The following EML4 variants were observed in gnomAD, a reference collection of about 807,000 sequenced individuals.
The protein encoded by EML4 is EMAP like 4.
EML4 carries 72 observed loss-of-function variants against 129.0 expected under a neutral mutation model. The ratio of observed to expected loss-of-function variants is 0.56; its 90% CI spans 0.46 to 0.68. EML4 has a LOEUF of 0.68. EML4 is among the 30% of genes least tolerant of loss of function. The probability of loss-of-function intolerance (pLI) is 0.00; values close to 1 mark genes in which losing one functional copy is unlikely to be tolerated. For missense variants in EML4, 1,363 were observed against 1,190.6 expected, an observed-to-expected ratio of 1.14 and a Z score of -2.13; for synonymous variants, 532 against 405.0, an observed-to-expected ratio of 1.31 and a Z score of -3.77.
intron 2 of EML4, among the ~76,000 whole-genome samples, chr2:42,253,051 A>C (rs560290894): frequency 1.3e-5 from 2 of 152,284 alleles, no homozygotes; most frequent in African/African-American, 4.8e-5. Context: ...TGGATGATGA[A>C]TACGTTACAG....
chr2:42,325,080 C>G, intron 19 of EML4: 1 of 394,848 alleles, frequency 2.5e-6, no homozygotes, highest in South Asian at 1.9e-5. Context: ...TTCCTGATGC[C>G]TTATGCACAA....
intron 17 of EML4, among the ~76,000 whole-genome samples, chr2:42,309,475 A>G (rs533321307): frequency 6.6e-6 from 1 of 151,582 alleles, no homozygotes; most frequent in East Asian, 1.9e-4. Flanking sequence ...AGGAACTACC[A>G]AACTTTTTCA....
At chr2:42,186,296 C>A (rs1437615023) in intron 1 of EML4, among the ~76,000 whole-genome samples, 1 of 151,970 alleles carries the variant, frequency 6.6e-6, no homozygotes, top group African/African-American at 2.4e-5. Flanking sequence ...CGTTCTGGAT[C>A]CACAATGAAT....
chr2:42,294,974 T>A (rs1175231746), intron 11 of EML4, 151 bp from the exon 12 acceptor site: 1 of 620,920 alleles, frequency 1.6e-6, no homozygotes, highest in Non-Finnish European at 2.6e-6. Flanking sequence ...AAAAAATACA[T>A]TATCAAAATT....
rs185347829 is a variant in EML4, at chr2:42,230,304, G to A, written c.26-15201G>A. 1.7e-3 allele frequency among the ~76,000 whole-genome samples: 256 copies of A among 152,274 alleles called. 4 individuals carry two copies. Among genetic ancestry groups the A allele is most frequent in the Non-Finnish European group, 1.8e-4 (12 of 68,010 alleles). On this transcript the variant is annotated intron_variant, in intron 1 of 22. Coordinates refer to ENST00000318522, the MANE Select transcript of EML4 (RefSeq NM_019063.5). Reference sequence around the variant, plus strand: ...TACAATCTAGTTAGGAATTTTAAATGTAACTTTATTAAAAGATAATTAACA... The same window carrying A: ...TACAATCTAGTTAGGAATTTTAAATATAACTTTATTAAAAGATAATTAACA...
chr2:42,328,990 T>G lies in EML4; in HGVS notation c.2446T>G (p.Phe816Val), dbSNP rs1428139187. ...CGATGACTTTTGTAAAGTCCATCTG[T>G]TTCAGTATCCCTGCTCCAAAGCAAA... Reference protein sequence around the residue: ...VADDFCKVHLFQYPCSKAKAP... With the variant: ...VADDFCKVHLVQYPCSKAKAP... Residue 816 changes from phenylalanine to valine, a missense_variant, in exon 22 of 23, where the codon TTT becomes GTT. By Grantham distance (50) the Phe-to-Val change is conservative. Transcript: ENST00000318522. The G allele has an allele frequency of 6.2e-7, 1 of 1,612,874 alleles. No individual in the cohort carries two copies. The highest frequency in any genetic ancestry group is 1.1e-5 in the South Asian group (1 of 90,986).
At chr2:42,278,731 C>G (rs1297890938) in intron 6 of EML4, among the ~76,000 whole-genome samples, 6 of 151,842 alleles carry the variant, frequency 4.0e-5, no homozygotes, top group Non-Finnish European at 7.4e-5. Flanking sequence ...GTCATGAGTT[C>G]AAGATCAGCC....
intron 1 of EML4, among the ~76,000 whole-genome samples, chr2:42,178,374 C>G (rs1310498327): frequency 6.6e-6 from 1 of 150,786 alleles, no homozygotes; most frequent in African/African-American, 2.5e-5. Context: ...GAGACCCTGT[C>G]TCTACCAAAA....
intron 1 of EML4, among the ~76,000 whole-genome samples, chr2:42,215,382 C>G (rs2104056805): frequency 6.6e-6 from 1 of 152,244 alleles, no homozygotes. Context: ...GAATGGTATT[C>G]AAATCTTATA....
At chr2:42,170,470 A>G (rs777203197) in intron 1 of EML4, among the ~76,000 whole-genome samples, 1 of 152,240 alleles carries the variant, frequency 6.6e-6, no homozygotes, top group Non-Finnish European at 1.5e-5. Flanking sequence ...TCTTTGTGGA[A>G]TGGAGAAAGG....
intron 2 of EML4, among the ~76,000 whole-genome samples, chr2:42,252,862 T>C (rs1675873381): frequency 6.6e-6 from 1 of 152,222 alleles, no homozygotes; most frequent in South Asian, 2.1e-4. Context: ...GTGTCCTTTC[T>C]TTGCACTTCC....
At chr2:42,313,526 TAA>T (rs543511248) in intron 17 of EML4, among the ~76,000 whole-genome samples, 1 of 146,818 alleles carries the variant, frequency 6.8e-6, no homozygotes. Context: ...CACTAAGCTT[TAA>T]AAAAAAAAAA....
At chr2:42,224,786 C>T (rs1212696315) in intron 1 of EML4, among the ~76,000 whole-genome samples, 1 of 152,070 alleles carries the variant, frequency 6.6e-6, no homozygotes, top group Non-Finnish European at 1.5e-5. Flanking sequence ...ATAAAATACA[C>T]ATAAAATTTA....
At chr2:42,283,840 C>T (rs1473595206) in intron 8 of EML4, among the ~76,000 whole-genome samples, 1 of 152,138 alleles carries the variant, frequency 6.6e-6, no homozygotes, top group East Asian at 1.9e-4. Context: ...CTATAGGTCA[C>T]CATGTAGCTG....
intron 6 of EML4, among the ~76,000 whole-genome samples, chr2:42,274,434 CT>C (rs200155989): frequency 2.0e-5 from 3 of 151,060 alleles, no homozygotes; most frequent in African/African-American, 4.9e-5. Flanking sequence ...CTTTGAAAGG[CT>C]TTTTTTTTCT....
At chr2:42,212,338 G>C (rs1182445321) in intron 1 of EML4, among the ~76,000 whole-genome samples, 1 of 152,036 alleles carries the variant, frequency 6.6e-6, no homozygotes, top group African/African-American at 2.4e-5. Context: ...ATTTGAACTA[G>C]TGTATATTTA....
chr2:42,295,363 T>G lies in EML4; in HGVS notation c.1354-18T>G. ...CATGGCAAAAAGAAAACTGAAAATT[T>G]TTATTGTTTCCTTGTAGAAATATGA... is the stretch of plus-strand genomic sequence containing the variant. On this transcript the variant is annotated intron_variant, in intron 12 of 22. Coordinates refer to ENST00000318522, the MANE Select transcript of EML4 (RefSeq NM_019063.5). The G allele has an allele frequency of 6.2e-7, 1 of 1,604,680 alleles. No homozygotes were observed. The highest frequency in any genetic ancestry group is 1.7e-5 in the Admixed American group (1 of 57,296).
chr2:42,229,581 T>C (rs953798101), intron 1 of EML4, among the ~76,000 whole-genome samples: 2 of 152,040 alleles, frequency 1.3e-5, no homozygotes, highest in African/African-American at 4.8e-5. Flanking sequence ...ATAAAAGAAA[T>C]GTGAGTGAGT....
At chr2:42,317,877 C>T (rs777520890) in intron 19 of EML4, among the ~76,000 whole-genome samples, 16 of 152,170 alleles carry the variant, frequency 1.1e-4, no homozygotes, top group Non-Finnish European at 1.6e-4. Flanking sequence ...ATTCTGCCCA[C>T]CTCAACACCC....
Sources: allele counts gnomAD v4.1 joint callset (sites outside exome capture counted in the v4.1 genomes callset), GRCh38; gene constraint gnomAD v4.1.1; transcripts MANE v1.5; gene names NCBI Gene and HGNC (gene_info 2026-07-23, HGNC 2026-07-21).